Variants in SGCZ observed in about 807,000 individuals in gnomAD.
SGCZ encodes zeta-sarcoglycan.
In SGCZ, 40 loss-of-function variants were observed where a neutral mutation model predicts 41.3. The ratio of observed to expected loss-of-function variants is 0.97; its 90% CI spans 0.75 to 1.26. The LOEUF (loss-of-function observed/expected upper bound fraction) is 1.26, where lower values mean the gene tolerates loss of function less well. SGCZ is among the 50% of genes most tolerant of loss of function. The pLI, the probability that SGCZ is intolerant of heterozygous loss-of-function variation, is 0.00. For missense variants in SGCZ, 552 were observed against 369.8 expected, an observed-to-expected ratio of 1.49 and a Z score of -4.04; for synonymous variants, 206 against 137.5, an observed-to-expected ratio of 1.50 and a Z score of -3.49.
intron 3 of SGCZ, among the ~76,000 whole-genome samples, chr8:14,251,296 G>C (rs1228145528): frequency 6.6e-6 from 1 of 152,130 alleles, no homozygotes; most frequent in Non-Finnish European, 1.5e-5. Flanking sequence ...CTAACATCAT[G>C]TTTTTCTCTC....
intron 1 of SGCZ, among the ~76,000 whole-genome samples, chr8:14,870,065 C>A (rs1184493375): frequency 6.6e-6 from 1 of 152,000 alleles, no homozygotes; most frequent in Admixed American, 6.6e-5. Context: ...CTTCACAGAA[C>A]TAGAAAAAAA....
chr8:14,463,627 A>C (rs374512367), intron 2 of SGCZ, among the ~76,000 whole-genome samples: 5 of 151,704 alleles, frequency 3.3e-5, no homozygotes, highest in African/African-American at 1.2e-4. Context: ...CAACAAAACA[A>C]AACACAGACA....
At chr8:15,231,023 A>G (rs1030250205) in intron 1 of SGCZ, among the ~76,000 whole-genome samples, 4 of 152,164 alleles carry the variant, frequency 2.6e-5, no homozygotes, top group Non-Finnish European at 5.9e-5. Context: ...CACCTTTTCC[A>G]CTGCACAAAT....
intron 1 of SGCZ, among the ~76,000 whole-genome samples, chr8:14,813,185 G>A (rs1180690186): frequency 6.6e-6 from 1 of 152,140 alleles, no homozygotes; most frequent in African/African-American, 2.4e-5. Context: ...TTGTTTTAAT[G>A]CATAAAATGA....
chr8:14,229,625 C>A (rs1806490313), intron 4 of SGCZ, among the ~76,000 whole-genome samples: 1 of 147,198 alleles, frequency 6.8e-6, no homozygotes, highest in Non-Finnish European at 1.5e-5. Context: ...TAAATTATCC[C>A]AGACTATTAC....
intron 1 of SGCZ, among the ~76,000 whole-genome samples, chr8:14,924,111 A>G (rs1323143760): frequency 1.3e-5 from 2 of 152,212 alleles, no homozygotes; most frequent in African/African-American, 4.8e-5. Context: ...AATGAACATC[A>G]CAAGTTTTTG....
chr8:14,535,778 G>C (rs1236316133), intron 2 of SGCZ, among the ~76,000 whole-genome samples: 1 of 151,796 alleles, frequency 6.6e-6, no homozygotes, highest in Admixed American at 6.6e-5. Flanking sequence ...TTGGAGAATG[G>C]ATTAGGGTTG....
At chr8:14,736,088 T>A (rs1799020355) in intron 1 of SGCZ, among the ~76,000 whole-genome samples, 1 of 152,156 alleles carries the variant, frequency 6.6e-6, no homozygotes, top group Non-Finnish European at 1.5e-5. Context: ...GTCTACAGAT[T>A]ATAGACTATC....
intron 1 of SGCZ, among the ~76,000 whole-genome samples, chr8:14,793,187 T>C (rs546666760): frequency 1.3e-5 from 2 of 152,214 alleles, no homozygotes; most frequent in Non-Finnish European, 2.9e-5. Flanking sequence ...GTCCAAAATG[T>C]AGCTGAAAAT....
chr8:14,794,394 G>A (rs1197559983), intron 1 of SGCZ, among the ~76,000 whole-genome samples: 1 of 152,072 alleles, frequency 6.6e-6, no homozygotes, highest in Admixed American at 6.6e-5. Context: ...AAGACAAAAA[G>A]AGCTGTTAGA....
intron 2 of SGCZ, among the ~76,000 whole-genome samples, chr8:14,522,250 G>A (rs552387341): frequency 4.6e-5 from 7 of 151,930 alleles, no homozygotes; most frequent in African/African-American, 1.7e-4. Context: ...GTCTTTGTCT[G>A]GTTTTGTTAT....
intron 1 of SGCZ, among the ~76,000 whole-genome samples, chr8:14,887,081 G>A (rs529157011): frequency 1.3e-5 from 2 of 152,076 alleles, no homozygotes; most frequent in South Asian, 4.2e-4. Flanking sequence ...GTTGAAGGAG[G>A]GCCAAGACTG....
intron 1 of SGCZ, among the ~76,000 whole-genome samples, chr8:14,842,542 A>C (rs1771973333): frequency 6.6e-6 from 1 of 151,652 alleles, no homozygotes; most frequent in African/African-American, 2.4e-5. Flanking sequence ...AAAAATAGGG[A>C]GGGAGAGAGA....
chr8:14,237,416 T>C (rs1341126089), intron 4 of SGCZ, among the ~76,000 whole-genome samples, 176 bp downstream of exon 4: 1 of 151,946 alleles, frequency 6.6e-6, no homozygotes, highest in Non-Finnish European at 1.5e-5. Flanking sequence ...TTGCTTGACC[T>C]CGTGATCTGC....
chr8:14,597,036 GC>G (rs1169820197), intron 1 of SGCZ, among the ~76,000 whole-genome samples: 1 of 152,088 alleles, frequency 6.6e-6, no homozygotes, highest in Non-Finnish European at 1.5e-5. Flanking sequence ...TCCTCAAAAC[GC>G]CTGAGGTAGT....
In SGCZ at chr8:14,777,317, C is replaced by T. The variant is rs376151131; in HGVS notation, c.40-222391G>A. On this transcript the variant is annotated intron_variant, in intron 1 of 7. Transcript: ENST00000382080. ...ATGTTATAATTACAGATATCATAAA[C>T]GAGTAATATTAACGACATTTAATTT... Among the ~76,000 whole-genome samples, 712 of 151,850 alleles carry T rather than the reference C, an allele frequency of 4.7e-3. 1 individual carries two copies. Among genetic ancestry groups the T allele is most frequent in the East Asian group, 0.011 (57 of 5,178 alleles).
chr8:14,848,190 A>G (rs1014455076), intron 1 of SGCZ, among the ~76,000 whole-genome samples: 1 of 152,148 alleles, frequency 6.6e-6, no homozygotes, highest in African/African-American at 2.4e-5. Flanking sequence ...ACTATAAAAC[A>G]TTGTTTAGAG....
intron 1 of SGCZ, among the ~76,000 whole-genome samples, chr8:15,138,753 C>T (rs1258104431): frequency 6.6e-6 from 1 of 152,148 alleles, no homozygotes; most frequent in Admixed American, 6.5e-5. Flanking sequence ...ATAAATTACC[C>T]AGTCTCAGGT....
At chr8:14,684,693 T>A (rs115216634) in intron 1 of SGCZ, among the ~76,000 whole-genome samples, 1 of 151,414 alleles carries the variant, frequency 6.6e-6, no homozygotes, top group African/African-American at 2.4e-5. Context: ...TTGTTTTTCC[T>A]TTTTTTGTTT....
Sources: allele counts gnomAD v4.1 joint callset (sites outside exome capture counted in the v4.1 genomes callset), GRCh38; gene constraint gnomAD v4.1.1; transcripts MANE v1.5; gene names NCBI Gene and HGNC (gene_info 2026-07-23, HGNC 2026-07-21).